CPA6: variants seen among roughly 807,000 people sequenced by gnomAD.
CPA6 encodes carboxypeptidase B.
Under a neutral mutation model 63.3 loss-of-function variants are expected in CPA6, and 58 were observed. The observed-to-expected ratio is 0.92, with a 90% CI of 0.74 to 1.14. The LOEUF (loss-of-function observed/expected upper bound fraction) is 1.14, where lower values mean the gene tolerates loss of function less well. Among genes scored for constraint, CPA6 ranks in the 50% most tolerant of loss-of-function variants. The pLI is 0.00. For synonymous variants in CPA6, 185 were observed against 179.0 expected (o/e 1.03, Z -0.27); for missense variants, 565 against 526.6 (o/e 1.07, Z -0.71).
intron 5 of CPA6, among the ~76,000 whole-genome samples, chr8:67,508,579 G>T (rs1387059781): frequency 1.3e-5 from 2 of 152,118 alleles, no homozygotes; most frequent in Non-Finnish European, 2.9e-5. Flanking sequence ...AAAGGATAAG[G>T]GGAAAGGAGG....
intron 1 of CPA6, among the ~76,000 whole-genome samples, chr8:67,682,567 C>A (rs1339282782): frequency 4.6e-5 from 7 of 152,114 alleles, no homozygotes; most frequent in Non-Finnish European, 1.5e-5. Flanking sequence ...CTTTTGCATT[C>A]CTGCTAATAT....
At chr8:67,548,419 TA>T (rs1227309387) in intron 2 of CPA6, among the ~76,000 whole-genome samples, 11 of 150,548 alleles carry the variant, frequency 7.3e-5, no homozygotes, top group Non-Finnish European at 5.9e-5. Context: ...GCCTGGCTAA[TA>T]TTTTTTTTGT....
intron 2 of CPA6, among the ~76,000 whole-genome samples, chr8:67,533,708 A>C (rs1055153395): frequency 3.3e-5 from 5 of 152,208 alleles, no homozygotes; most frequent in African/African-American, 1.2e-4. Flanking sequence ...TCTTCATGGC[A>C]AACAAACCTC....
intron 1 of CPA6, among the ~76,000 whole-genome samples, chr8:67,725,268 GC>G (rs1465799422): frequency 1.3e-5 from 2 of 152,112 alleles, no homozygotes; most frequent in African/African-American, 2.4e-5. Flanking sequence ...CAAAACAGGT[GC>G]TTTTTTTCTG....
chr8:67,604,753 GT>G (rs1257505429), intron 2 of CPA6, among the ~76,000 whole-genome samples: 1 of 152,058 alleles, frequency 6.6e-6, no homozygotes, highest in Non-Finnish European at 1.5e-5. Context: ...AGAAAAATCT[GT>G]GGAGGTTCTA....
intron 1 of CPA6, among the ~76,000 whole-genome samples, chr8:67,684,958 T>C (rs1816681239): frequency 6.6e-6 from 1 of 152,158 alleles, no homozygotes; most frequent in Non-Finnish European, 1.5e-5. Context: ...CCACTTACCC[T>C]GCCCTGCTCC....
intron 1 of CPA6, among the ~76,000 whole-genome samples, chr8:67,666,680 C>T (rs1816235441): frequency 6.6e-6 from 1 of 152,126 alleles, no homozygotes; most frequent in African/African-American, 2.4e-5. Flanking sequence ...CTGATGGGAA[C>T]AGGGGCTGCT....
intron 8 of CPA6, among the ~76,000 whole-genome samples, chr8:67,476,996 A>T (rs537242314): frequency 6.6e-6 from 1 of 152,226 alleles, no homozygotes; most frequent in African/African-American, 2.4e-5. Context: ...TCCTTTATAA[A>T]AAGCATAACT....
At chr8:67,554,847 T>G (rs986648167) in intron 2 of CPA6, among the ~76,000 whole-genome samples, 5 of 152,216 alleles carry the variant, frequency 3.3e-5, no homozygotes. Flanking sequence ...GGCCCCAGCC[T>G]GCTAGATGGC....
chr8:67,661,229 G>T (rs1392596346), intron 1 of CPA6, among the ~76,000 whole-genome samples: 1 of 152,174 alleles, frequency 6.6e-6, no homozygotes, highest in African/African-American at 2.4e-5. Context: ...ATGGACCTCT[G>T]GGGGAGGAAT....
intron 2 of CPA6, among the ~76,000 whole-genome samples, chr8:67,518,508 T>TA (rs1812195565): frequency 8.3e-6 from 1 of 121,120 alleles, no homozygotes; most frequent in Non-Finnish European, 1.7e-5. Context: ...TCTTTTCTTT[T>TA]CTTTTTTTTT....
chr8:67,527,108 G>A (rs1043481952), intron 2 of CPA6, among the ~76,000 whole-genome samples: 3 of 152,186 alleles, frequency 2.0e-5, no homozygotes, highest in East Asian at 1.9e-4. Context: ...CCCCTGGGCT[G>A]TATCTCACCA....
At chr8:67,475,948 G>C (rs1225654497) in intron 8 of CPA6, among the ~76,000 whole-genome samples, 2 of 99,852 alleles carry the variant, frequency 2.0e-5, no homozygotes, top group African/African-American at 4.1e-5. Context: ...TTCTTTCTCT[G>C]TCTTTCTTTC....
At chr8:67,423,408 C>T (rs1193559653) in intron 10 of CPA6, among the ~76,000 whole-genome samples, 2 of 152,194 alleles carry the variant, frequency 1.3e-5, no homozygotes, top group Non-Finnish European at 2.9e-5. Flanking sequence ...TTATTTCTTC[C>T]ACCTCCCTGT....
rs540507092 is a variant in CPA6, at chr8:67,697,800, CCTTA to C, written c.116+48210_116+48213del. ...AACTAATTTTATAATTATTTCCTTC[CCTTA>C]CTTTATTTCTATGAAGACTGATATG... On this transcript the variant is annotated intron_variant, in intron 1 of 10. Coordinates refer to ENST00000297770, the MANE Select transcript of CPA6 (RefSeq NM_020361.5). 2.4e-3 allele frequency among the ~76,000 whole-genome samples: 368 copies of C among 152,098 alleles called. 3 individuals are homozygous for C. Among genetic ancestry groups the C allele is most frequent in the South Asian group, 0.011 (54 of 4,814 alleles).
Position 67,422,497 on chromosome 8 carries a change from G to A in CPA6, c.*7C>T, listed in dbSNP as rs1465657757. Reference sequence around the variant, plus strand: ...CCTATGGCAGTTGACCTGAGCCTTGGGCTGTCTCAGGGACATTTCTTTAGC... The same window carrying A: ...CCTATGGCAGTTGACCTGAGCCTTGAGCTGTCTCAGGGACATTTCTTTAGC... On this transcript the variant is annotated 3_prime_UTR_variant, in exon 11 of 11. Coordinates refer to ENST00000297770, the MANE Select transcript of CPA6 (RefSeq NM_020361.5). 6.8e-6 allele frequency: 11 copies of A among 1,611,480 alleles called. No homozygotes were observed. The East Asian group carries it at 2.2e-4, about 33-fold the overall frequency.
chr8:67,739,852 T>G (rs552755828), intron 1 of CPA6, among the ~76,000 whole-genome samples: 1 of 152,290 alleles, frequency 6.6e-6, no homozygotes, highest in African/African-American at 2.4e-5. Flanking sequence ...CTCATCAATA[T>G]GAGAAAGGAC....
intron 1 of CPA6, among the ~76,000 whole-genome samples, chr8:67,670,001 A>G (rs1587688221): frequency 6.6e-6 from 1 of 152,194 alleles, no homozygotes; most frequent in East Asian, 1.9e-4. Context: ...AGTTAAAATT[A>G]AAGTATTTAT....
chr8:67,436,370 G>A (rs563299199), intron 8 of CPA6, among the ~76,000 whole-genome samples: 108 of 145,506 alleles, frequency 7.4e-4, no homozygotes, highest in Non-Finnish European at 1.2e-3. Context: ...TTCTGTTTGG[G>A]TTTTTGTTGT....
Sources: gnomAD v4.1 joint callset for allele counts (sites outside exome capture counted in the v4.1 genomes callset) on GRCh38, gnomAD v4.1.1 for gene constraint, MANE v1.5 for transcripts, NCBI Gene and HGNC (gene_info 2026-07-23, HGNC 2026-07-21) for gene names.